PLEKHH1: variants seen among roughly 807,000 people sequenced by gnomAD.
The protein encoded by PLEKHH1 is pleckstrin homology domain-containing family H member 1.
In PLEKHH1, 104 loss-of-function variants were observed where a neutral mutation model predicts 160.0. The ratio of observed to expected loss-of-function variants is 0.65; its 90% confidence interval spans 0.55 to 0.76. The LOEUF is 0.76. Ranked by LOEUF, PLEKHH1 falls within the 30% of genes least tolerant of loss-of-function variation. The pLI, the probability that PLEKHH1 is intolerant of heterozygous loss-of-function variation, is 0.00. For missense variants in PLEKHH1, 1,427 were observed against 1,724.1 expected (o/e 0.83, Z 3.05); for synonymous variants, 619 against 678.4 (o/e 0.91, Z 1.36).
At position 67,578,253 on chromosome 14, in the gene PLEKHH1, G is replaced by C; in HGVS notation, c.2751+54G>C. 1 of 1,488,030 alleles carries C rather than the reference G, an allele frequency of 6.7e-7. No individual in the cohort carries two copies. Among genetic ancestry groups the C allele is most frequent in the East Asian group, 2.3e-5 (1 of 44,294 alleles). The allele number at this position is 1,488,030 out of a possible 1,614,324, so 92.2% of individuals were successfully genotyped here. Reference sequence around the variant, plus strand: ...CAGAAGCCATTGGCAAGGGCTGCCAGGTGGGAAAGGTGGGAGGAGGTGACT... The same window carrying C: ...CAGAAGCCATTGGCAAGGGCTGCCACGTGGGAAAGGTGGGAGGAGGTGACT... On this transcript the variant is annotated intron_variant, in intron 19 of 28. Coordinates refer to ENST00000329153, the MANE Select transcript of PLEKHH1 (RefSeq NM_020715.3). This position sits in a 1 kb window ranked among gnomAD's most constrained non-coding sequence, Gnocchi z 5.0.
chr14:67,569,109 C>G (rs1215962945), intron 7 of PLEKHH1, 29 bp from the exon 8 acceptor site: 1 of 1,525,970 alleles, frequency 6.6e-7, no homozygotes, highest in Non-Finnish European at 9.1e-7. Context: ...CATGCCGGGC[C>G]CTGAGCTTCC....
At position 67,579,775 on chromosome 14, in the gene PLEKHH1, C is replaced by T; in HGVS notation, c.3082C>T (p.Gln1028Ter). The T allele has an allele frequency of 6.2e-7, 1 of 1,612,742 alleles. No individual in the cohort carries two copies. Among genetic ancestry groups the T allele is most frequent in the Non-Finnish European group, 8.5e-7 (1 of 1,179,426 alleles). ...TGATGAGTTCCTCCAGCGGCTGAACCAGGAGATAGGCATGAGAAAGCCATC... is the reference window on the plus strand; with the variant it reads ...TGATGAGTTCCTCCAGCGGCTGAACTAGGAGATAGGCATGAGAAAGCCATC... The part of the protein sequence containing the change: ...TVDEFLQRLN[Q>*]EIGMRKPSHS... Residue 1028 changes from glutamine to a stop codon, truncating the protein, a stop_gained, in exon 22 of 29, where the codon CAG (glutamine) becomes TAG (stop). Coordinates refer to ENST00000329153, the MANE Select transcript of PLEKHH1 (RefSeq NM_020715.3). LOFTEE classifies it high-confidence loss of function.
Position 67,571,732 on chromosome 14 carries a change from G to A in PLEKHH1, c.1435-20G>A. ...TGTTTTGCAGCCTGAGCTGCAGTGA[G>A]GGAGGGGCCTGTCTTGCAGAGAGCT... On this transcript the variant is annotated intron_variant, in intron 9 of 28. Transcript: ENST00000329153. 1 of 1,605,906 alleles carries A rather than the reference G, an allele frequency of 6.2e-7. No individual in the cohort carries two copies. The highest frequency in any genetic ancestry group is 8.5e-7 in the Non-Finnish European group (1 of 1,173,190).
chr14:67,579,288 C>A lies in PLEKHH1; in HGVS notation c.3004C>A (p.His1002Asn). 6.4e-7 allele frequency: 1 copy of A among 1,559,100 alleles called. No homozygotes were observed. Among genetic ancestry groups the A allele is most frequent in the Non-Finnish European group, 8.7e-7 (1 of 1,155,978 alleles). ...HHSLPFSIPV[H>N]FTNGTYHVVG... ...CTCCTTGCCCTTCAGCATCCCCGTGCACTTTACCAACGGGACTTACCATGT... is the reference window on the plus strand; with the variant it reads ...CTCCTTGCCCTTCAGCATCCCCGTGAACTTTACCAACGGGACTTACCATGT... Residue 1002 changes from histidine (H) to asparagine (N), a missense_variant, in exon 21 of 29, where the codon CAC becomes AAC. Coordinates refer to ENST00000329153, the MANE Select transcript of PLEKHH1 (RefSeq NM_020715.3).
chr14:67,555,191 T>C (rs2034545046), intron 2 of PLEKHH1, among the ~76,000 whole-genome samples: 2 of 152,248 alleles, frequency 1.3e-5, no homozygotes, highest in Admixed American at 6.5e-5. Flanking sequence ...GTGCTGGGAT[T>C]ACAGGCATGA....
rs1317731680 is a variant in PLEKHH1, at chr14:67,576,267, C to T, written c.2353-128C>T. The T allele has an allele frequency of 1.6e-6, 1 of 633,576 alleles. No homozygotes were observed. The highest frequency in any genetic ancestry group is 2.7e-6 in the Non-Finnish European group (1 of 364,140). The allele number at this position is 633,576 out of a possible 1,614,324, so 39.2% of individuals were successfully genotyped here. On this transcript the variant is annotated intron_variant, in intron 16 of 28. Coordinates refer to ENST00000329153, the MANE Select transcript of PLEKHH1 (RefSeq NM_020715.3). This position sits in a 1 kb window ranked among gnomAD's most constrained non-coding sequence, Gnocchi z 4.0. ...CTGATCCTCAGTCTTTCCAGGTAGC[C>T]CTGACTCATGCCAACCAAACTAGCT...
rs569015980 is a variant in PLEKHH1, at chr14:67,537,434, G to A, written c.-35+4036G>A. Among the ~76,000 whole-genome samples, 24 of 149,920 alleles carry A rather than the reference G, an allele frequency of 1.6e-4. 1 individual carries two copies. The highest frequency in any genetic ancestry group is 6.0e-4 in the African/African-American group (24 of 40,308). On this transcript the variant is annotated intron_variant, in intron 1 of 28. Coordinates refer to ENST00000329153, the MANE Select transcript of PLEKHH1 (RefSeq NM_020715.3). Reference sequence around the variant, plus strand: ...GCTCAACACACTTTAGAATAATGAGGCAGGTGGGTCACTTGAGCCCAGGAG... The same window carrying A: ...GCTCAACACACTTTAGAATAATGAGACAGGTGGGTCACTTGAGCCCAGGAG...
chr14:67,573,169 T>G lies in PLEKHH1; in HGVS notation c.1729-107T>G, dbSNP rs2035466138. On this transcript the variant is annotated intron_variant, in intron 11 of 28. Transcript: ENST00000329153. This position sits in a 1 kb window ranked among gnomAD's most constrained non-coding sequence, Gnocchi z 4.8. The stretch of plus-strand genomic sequence containing the variant: ...GAGTAGGTACTCAATAATTTTGTAT[T>G]TAATTGATGACCGAGTAGTGAGGCA... The G allele has an allele frequency of 1.5e-6, 1 of 684,218 alleles. No individual in the cohort carries two copies. Among genetic ancestry groups the G allele is most frequent in the Non-Finnish European group, 2.6e-6 (1 of 383,134 alleles). The allele number at this position is 684,218 out of a possible 1,614,324, so 42.4% of individuals were successfully genotyped here.
Position 67,583,869 on chromosome 14 carries a change from C to T in PLEKHH1, c.3555C>T (p.Pro1185=), listed in dbSNP as rs370585112. The T allele has an allele frequency of 3.3e-4, 531 of 1,613,722 alleles. No homozygotes were observed. The highest frequency in any genetic ancestry group is 3.1e-4 in the Non-Finnish European group (362 of 1,179,742). Residue 1185 remains proline, a synonymous_variant, in exon 25 of 29, where the codon CCC becomes CCT. Coordinates refer to ENST00000329153, the MANE Select transcript of PLEKHH1 (RefSeq NM_020715.3). ...CCAGGCGCTATAGACATGGGGCCCC[C>T]GCTGAACAGCTGAGGTAGGTAGGCT... ...FHPRRYRHGA[P]AEQLRHLADM...
At position 67,582,616 on chromosome 14, in the gene PLEKHH1, C is replaced by T. The variant is rs967311881; in HGVS notation, c.3426+406C>T. ...GGCAGATCACCTGAGGCCAGGAGTTCGTGACCAGCCTGACCAGTGAAACCC... is the reference window on the plus strand; with the variant it reads ...GGCAGATCACCTGAGGCCAGGAGTTTGTGACCAGCCTGACCAGTGAAACCC... On this transcript the variant is annotated intron_variant, in intron 24 of 28. Transcript: ENST00000329153. This position sits in a 1 kb window ranked among gnomAD's most constrained non-coding sequence, Gnocchi z 5.0. Among the ~76,000 whole-genome samples, 6 of 151,732 alleles carry T rather than the reference C, an allele frequency of 4.0e-5. No homozygotes were observed. The highest frequency in any genetic ancestry group is 7.4e-5 in the Non-Finnish European group (5 of 67,978).
In PLEKHH1 at chr14:67,578,517, G is replaced by A; in HGVS notation, c.2752-17G>A. ...GTAGGCCCAGCACTCACCCCACGCTGTCTGTGTCCCTGGCAGTGCTGGCAG... is the reference window on the plus strand; with the variant it reads ...GTAGGCCCAGCACTCACCCCACGCTATCTGTGTCCCTGGCAGTGCTGGCAG... On this transcript the variant is annotated splice_polypyrimidine_tract_variant and intron_variant, in intron 19 of 28. Transcript: ENST00000329153. This position sits in a 1 kb window ranked among gnomAD's most constrained non-coding sequence, Gnocchi z 5.0. The A allele has an allele frequency of 6.3e-7, 1 of 1,578,720 alleles. No homozygotes were observed. The highest frequency in any genetic ancestry group is 1.3e-5 in the African/African-American group (1 of 74,352).
intron 2 of PLEKHH1, among the ~76,000 whole-genome samples, chr14:67,553,008 C>T (rs1197883216): frequency 2.6e-5 from 4 of 152,170 alleles, no homozygotes; most frequent in Non-Finnish European, 5.9e-5. Context: ...TGGTTCTGAC[C>T]AATGTCATTG....
At chr14:67,580,286 A>G (rs887712827) in intron 22 of PLEKHH1, 11 of 183,012 alleles carry the variant, frequency 6.0e-5, no homozygotes, top group African/African-American at 1.2e-4. Context: ...TTCAGGGCCT[A>G]TGCCATGCTT....
intron 18 of PLEKHH1, 128 bp downstream of exon 18, chr14:67,577,542 C>T: frequency 3.1e-6 from 2 of 644,618 alleles, no homozygotes; most frequent in South Asian, 1.8e-5. Flanking sequence ...CCCAGGGTCC[C>T]TATCACTTCC....
chr14:67,540,085 A>G (rs367855522), intron 1 of PLEKHH1, among the ~76,000 whole-genome samples: 1 of 152,158 alleles, frequency 6.6e-6, no homozygotes, highest in Non-Finnish European at 1.5e-5. Context: ...CTGAGGAAGG[A>G]AAAGGGGATT....
In PLEKHH1 at chr14:67,587,158, T is replaced by C; in HGVS notation, c.4018T>C (p.Cys1340Arg). The change falls in exon 29 of 29, where the codon TGC becomes CGC. Residue 1340 changes from cysteine (C) to arginine (R), a missense_variant. Cys to Arg is a radical substitution (Grantham distance 180, BLOSUM62 -3). Transcript: ENST00000329153. Reference sequence around the variant, plus strand: ...CCCCCCCACCAACCCACCCGGAGCCTGCCAGCTGTGGGAACTGGATGGACG... The same window carrying C: ...CCCCCCCACCAACCCACCCGGAGCCCGCCAGCTGTGGGAACTGGATGGACG... ...VNPPTNPPGA[C>R]QLWELDGRQF... 1 of 1,613,914 alleles carries C rather than the reference T, an allele frequency of 6.2e-7. No individual in the cohort carries two copies. Among genetic ancestry groups the C allele is most frequent in the Non-Finnish European group, 8.5e-7 (1 of 1,179,838 alleles).
chr14:67,584,702 T>A (rs1380033878), intron 26 of PLEKHH1, among the ~76,000 whole-genome samples: 1 of 152,234 alleles, frequency 6.6e-6, no homozygotes, highest in Non-Finnish European at 1.5e-5. Flanking sequence ...TCCTACTATG[T>A]CCAGTGCTGG....
In PLEKHH1 at chr14:67,573,745, G is replaced by A; in HGVS notation, c.1840-56G>A. 3 of 1,112,096 alleles carry A rather than the reference G, an allele frequency of 2.7e-6. No individual in the cohort carries two copies. Among genetic ancestry groups the A allele is most frequent in the Middle Eastern group, 2.0e-4 (1 of 5,128 alleles). The allele number at this position is 1,112,096 out of a possible 1,614,324, so 68.9% of individuals were successfully genotyped here. On this transcript the variant is annotated intron_variant, in intron 12 of 28. Transcript: ENST00000329153. The surrounding 1 kb of genome is among the most constrained non-coding windows in gnomAD (Gnocchi z 4.8). The stretch of plus-strand genomic sequence containing the variant: ...GGAGGAAGATCTGAGGGTAAATGAG[G>A]TGCTCCGGAAAGGCTCCACATTCAG...
intron 1 of PLEKHH1, among the ~76,000 whole-genome samples, chr14:67,540,583 A>C (rs967145645): frequency 1.3e-5 from 2 of 151,308 alleles, no homozygotes; most frequent in Non-Finnish European, 2.9e-5. Flanking sequence ...CCAAAATTGC[A>C]CCATTGTACT....
Sources: allele counts gnomAD v4.1 joint callset (sites outside exome capture counted in the v4.1 genomes callset), GRCh38; gene constraint gnomAD v4.1.1; non-coding constraint Gnocchi (gnomAD v3.1); transcripts MANE v1.5; gene names NCBI Gene and HGNC (gene_info 2026-07-23, HGNC 2026-07-21).